Variants in PLPPR5 observed in about 807,000 individuals in gnomAD.
PLPPR5 encodes the protein phospholipid phosphatase related 5.
Under a neutral mutation model 33.9 loss-of-function variants are expected in PLPPR5, and 16 were observed. The observed-to-expected ratio is 0.47, with a 90% CI of 0.32 to 0.72. The LOEUF is 0.72. Among genes scored for constraint, PLPPR5 ranks in the 30% least tolerant of loss-of-function variants. The pLI is 0.03. For missense variants in PLPPR5, 301 were observed against 406.7 expected (o/e 0.74, Z 2.23); for synonymous variants, 163 against 150.3 (o/e 1.08, Z -0.62).
chr1:98,993,062 A>G (rs1652505923), intron 1 of PLPPR5, among the ~76,000 whole-genome samples: 1 of 152,158 alleles, frequency 6.6e-6, no homozygotes, highest in Non-Finnish European at 1.5e-5. Flanking sequence ...ATGTTAGTTA[A>G]TATGTATAAA....
intron 1 of PLPPR5, among the ~76,000 whole-genome samples, chr1:98,995,292 A>G (rs1652589539): frequency 6.6e-6 from 1 of 152,080 alleles, no homozygotes; most frequent in Non-Finnish European, 1.5e-5. Context: ...AGGAAACAAT[A>G]GACACTGGGG....
At chr1:99,002,957 C>CTTTTT (rs756416172) in intron 1 of PLPPR5, among the ~76,000 whole-genome samples, 1 of 142,122 alleles carries the variant, frequency 7.0e-6, no homozygotes, top group African/African-American at 2.6e-5. Context: ...AAAAATCGAC[C>CTTTTT]TTTTTTTTTT....
Position 98,890,398 on chromosome 1 carries a change from C to T in PLPPR5, c.*2674G>A, listed in dbSNP as rs1335583321. ...GATAGATCCTGAGAAAAGAGAGGCC[C>T]AGTTAGAAGTGGAAAATACAAAGTC... On this transcript the variant is annotated 3_prime_UTR_variant, in exon 6 of 6. Transcript: ENST00000263177. The T allele has an allele frequency of 6.6e-6, 1 of 152,338 alleles. No homozygotes were observed. The highest frequency in any genetic ancestry group is 1.5e-5 in the Non-Finnish European group (1 of 67,950). 9.4% of individuals were successfully genotyped at this position (152,338 alleles called of 1,614,324 possible).
intron 1 of PLPPR5, among the ~76,000 whole-genome samples, chr1:98,958,566 G>A (rs749196525): frequency 6.6e-5 from 10 of 152,100 alleles, no homozygotes; most frequent in Non-Finnish European, 1.3e-4. Flanking sequence ...CTCTGGCATT[G>A]GTGAAGTAGA....
rs1019460235 is a variant in PLPPR5, at chr1:98,939,752, C to T, written c.621+13318G>A. Among the ~76,000 whole-genome samples the T allele has an allele frequency of 3.3e-5, 5 of 151,798 alleles. 1 individual carries two copies. The highest frequency in any genetic ancestry group is 7.4e-5 in the Non-Finnish European group (5 of 67,894). ...GATACCTGGGTCCTGCAGTCACAGC[C>T]GTGTGTATCCTCAGCGTACCCTTCC... On this transcript the variant is annotated intron_variant, in intron 3 of 5. Transcript: ENST00000263177.
At chr1:98,997,844 A>G (rs1652682976) in intron 1 of PLPPR5, among the ~76,000 whole-genome samples, 1 of 152,200 alleles carries the variant, frequency 6.6e-6, no homozygotes, top group South Asian at 2.1e-4. Flanking sequence ...CAACCATTTC[A>G]TTCTCACAAC....
chr1:98,980,591 C>A (rs1185252996), intron 1 of PLPPR5, among the ~76,000 whole-genome samples: 1 of 151,992 alleles, frequency 6.6e-6, no homozygotes, highest in Non-Finnish European at 1.5e-5. Context: ...TAGTACTGTT[C>A]GACTTCACAT....
At chr1:99,005,445 C>T (rs1653053649), upstream of PLPPR5, among the ~76,000 whole-genome samples, 1 of 152,148 alleles carries the variant, frequency 6.6e-6, no homozygotes, top group Admixed American at 6.5e-5. Context: ...GTTTCTTTGC[C>T]TCCTCTGCAG....
chr1:98,963,010 A>C (rs1438044044), intron 1 of PLPPR5, among the ~76,000 whole-genome samples: 1 of 152,192 alleles, frequency 6.6e-6, no homozygotes, highest in Non-Finnish European at 1.5e-5. Context: ...CTAAAATTTC[A>C]TAAGAGATCA....
intron 1 of PLPPR5, among the ~76,000 whole-genome samples, chr1:98,994,004 A>G (rs1652545358): frequency 6.6e-6 from 1 of 152,082 alleles, no homozygotes. Flanking sequence ...ACTGCTCTAT[A>G]ATTTCATAAG....
rs565955962 is a variant in PLPPR5, at chr1:98,977,908, A to C, written c.238-21167T>G. Among the ~76,000 whole-genome samples the C allele has an allele frequency of 4.1e-4, 62 of 152,078 alleles. 3 individuals carry two copies. In the South Asian group the frequency reaches 8.1e-3, roughly 20 times the overall value. ...AACCAGTAACCAAAGAAAACAAATAATAATGGCATGGTAGAATATCAAGAA... is the reference window on the plus strand; with the variant it reads ...AACCAGTAACCAAAGAAAACAAATACTAATGGCATGGTAGAATATCAAGAA... On this transcript the variant is annotated intron_variant, in intron 1 of 5. Transcript: ENST00000263177.
chr1:99,000,682 G>A (rs1652805946), intron 1 of PLPPR5, among the ~76,000 whole-genome samples: 1 of 152,102 alleles, frequency 6.6e-6, no homozygotes, highest in African/African-American at 2.4e-5. Flanking sequence ...CCAAACAAAA[G>A]TGATCTATCT....
intron 1 of PLPPR5, among the ~76,000 whole-genome samples, chr1:98,996,283 C>T (rs1652630704): frequency 6.6e-6 from 1 of 151,998 alleles, no homozygotes; most frequent in South Asian, 2.1e-4. Flanking sequence ...ACTACCCCCA[C>T]CCACACATAC....
chr1:98,908,022 C>G (rs1455168698), intron 5 of PLPPR5, among the ~76,000 whole-genome samples: 2 of 152,202 alleles, frequency 1.3e-5, no homozygotes, highest in Non-Finnish European at 2.9e-5. Context: ...AATCCAAGGA[C>G]AGCTTCTTGT....
At chr1:98,914,605 A>AT (rs1351009529) in intron 5 of PLPPR5, among the ~76,000 whole-genome samples, 181 bp downstream of exon 5, 1 of 152,036 alleles carries the variant, frequency 6.6e-6, no homozygotes, top group Non-Finnish European at 1.5e-5. Flanking sequence ...CTACAAACAG[A>AT]TTTTTTAAAT....
At chr1:99,002,974 C>G (rs1288270391) in intron 1 of PLPPR5, among the ~76,000 whole-genome samples, 2 of 146,166 alleles carry the variant, frequency 1.4e-5, no homozygotes, top group East Asian at 4.0e-4. Context: ...TTTTTCTCTG[C>G]CAGCTTGTCA....
chr1:98,933,024 C>T (rs411115), intron 3 of PLPPR5, among the ~76,000 whole-genome samples: 86,133 of 151,824 alleles, frequency 0.57, 24,676 homozygotes, highest in African/African-American at 0.63. Context: ...CAGTGTGGTC[C>T]GGGCTGCACC....
In PLPPR5 at chr1:99,001,669, A is replaced by AAGATAGATAGAT. The variant is rs370587528; in HGVS notation, c.237+2765_237+2766insATCTATCTATCT. Among the ~76,000 whole-genome samples, 14 of 64,340 alleles carry AAGATAGATAGAT rather than the reference A, an allele frequency of 2.2e-4. No individual in the cohort carries two copies. In the East Asian group the frequency reaches 5.5e-3, roughly 25 times the overall value. 42.2% of individuals were successfully genotyped at this position (64,340 alleles called of 152,430 possible). A position where few individuals can be genotyped will look rare whatever the true frequency, so the allele number is the denominator to read the frequency against. ...GAACTAGAAATGAGTTTGAAAGTTA[A>AAGATAGATAGAT]AGATATATATATATATATATATATA... On this transcript the variant is annotated intron_variant, in intron 1 of 5. Coordinates refer to ENST00000263177, the MANE Select transcript of PLPPR5 (RefSeq NM_001037317.2).
chr1:98,922,485 A>G (rs1649600921), intron 3 of PLPPR5, among the ~76,000 whole-genome samples: 1 of 152,174 alleles, frequency 6.6e-6, no homozygotes, highest in Non-Finnish European at 1.5e-5. Flanking sequence ...TGTGTATGCC[A>G]TATTTAGAGG....
Sources: gnomAD v4.1 joint callset for allele counts (sites outside exome capture counted in the v4.1 genomes callset) on GRCh38, gnomAD v4.1.1 for gene constraint, MANE v1.5 for transcripts, NCBI Gene and HGNC (gene_info 2026-07-23, HGNC 2026-07-21) for gene names.